The following COLQ variants were observed in gnomAD, a reference collection of about 807,000 sequenced individuals.
The protein encoded by COLQ is acetylcholinesterase collagenic tail peptide.
Under a neutral mutation model 69.0 loss-of-function variants are expected in COLQ, and 48 were observed. That is an observed-to-expected ratio of 0.70 (90% CI 0.55 to 0.88). COLQ has a LOEUF of 0.88. COLQ is among the 40% of genes least tolerant of loss of function. The pLI, the probability that COLQ is intolerant of heterozygous loss-of-function variation, is 0.00. For missense variants in COLQ, 618 were observed against 594.6 expected (o/e 1.04, Z -0.41); for synonymous variants, 217 against 211.2 (o/e 1.03, Z -0.24).
chr3:15,477,485 C>T (rs1219930687), intron 5 of COLQ: 1 of 427,856 alleles, frequency 2.3e-6, no homozygotes, highest in East Asian at 4.8e-5. Context: ...CCCAAAAGTC[C>T]CCTGCGTTCC....
At chr3:15,465,971 C>A (rs2062194124) in intron 12 of COLQ, among the ~76,000 whole-genome samples, 2 of 152,166 alleles carry the variant, frequency 1.3e-5, no homozygotes, top group Non-Finnish European at 2.9e-5. Context: ...AAAAAACCTG[C>A]AATGTCACCT....
chr3:15,453,826 T>C lies in COLQ; in HGVS notation c.1298+3A>G, dbSNP rs1384843815. The C allele has an allele frequency of 3.1e-6, 5 of 1,592,502 alleles. No homozygotes were observed. The highest frequency in any genetic ancestry group is 2.3e-5 in the East Asian group (1 of 44,416). On this transcript the variant is annotated splice_donor_region_variant and intron_variant, in intron 16 of 16. Transcript: ENST00000383788. Reference sequence around the variant, plus strand: ...GAGAGGGAGGGAGGGGAGTCATCCCTACCCAGGGAGATAGGTCTCGCATGT... The same window carrying C: ...GAGAGGGAGGGAGGGGAGTCATCCCCACCCAGGGAGATAGGTCTCGCATGT...
At chr3:15,457,886 G>A (rs944352903) in intron 13 of COLQ, among the ~76,000 whole-genome samples, 29 of 152,068 alleles carry the variant, frequency 1.9e-4, no homozygotes, top group African/African-American at 6.5e-4. Flanking sequence ...CAAAGTGCTG[G>A]GATTACAGGC....
chr3:15,484,351 A>G (rs543251531), intron 3 of COLQ, among the ~76,000 whole-genome samples: 62 of 152,290 alleles, frequency 4.1e-4, no homozygotes, highest in African/African-American at 1.2e-3. Context: ...GGCTGGTACC[A>G]GTTGTTCCTT....
At chr3:15,462,231 T>C (rs905646543) in intron 12 of COLQ, among the ~76,000 whole-genome samples, 10 of 152,044 alleles carry the variant, frequency 6.6e-5, no homozygotes, top group African/African-American at 2.4e-4. Flanking sequence ...GGTTTCACCA[T>C]GTTGGCCAGG....
intron 1 of COLQ, among the ~76,000 whole-genome samples, chr3:15,493,653 G>T (rs1229063659): frequency 2.6e-5 from 4 of 152,248 alleles, no homozygotes; most frequent in Non-Finnish European, 5.9e-5. Context: ...GACAGGTCAT[G>T]GGGGCAGCTA....
At chr3:15,454,114 G>A (rs1188735318) in intron 15 of COLQ, among the ~76,000 whole-genome samples, 183 bp from the exon 16 acceptor site, 1 of 152,164 alleles carries the variant, frequency 6.6e-6, no homozygotes, top group Non-Finnish European at 1.5e-5. Flanking sequence ...ACAGCGATGT[G>A]CCATGGGACA....
rs2063136011 is a variant in COLQ, at chr3:15,521,432, A to G, written c.106+88T>C. 27 of 1,556,494 alleles carry G rather than the reference A, an allele frequency of 1.7e-5. 1 individual carries two copies. Among genetic ancestry groups the G allele is most frequent in the Non-Finnish European group, 2.4e-5 (27 of 1,143,906 alleles). On this transcript the variant is annotated intron_variant, in intron 1 of 16. Coordinates refer to ENST00000383788, the MANE Select transcript of COLQ (RefSeq NM_005677.4). ...CCCTCCACCAACAGTTGAATGGCAA[A>G]AACATCAGGACACATTGCAAAACAA...
At position 15,474,213 on chromosome 3, in the gene COLQ, G is replaced by A. The variant is rs759209415; in HGVS notation, c.600+15C>T. The A allele has an allele frequency of 4.6e-5, 74 of 1,613,820 alleles. No homozygotes were observed. The highest frequency in any genetic ancestry group is 5.7e-5 in the Non-Finnish European group (67 of 1,179,730). On this transcript the variant is annotated intron_variant, in intron 9 of 16. Coordinates refer to ENST00000383788, the MANE Select transcript of COLQ (RefSeq NM_005677.4). ...CTGACATTTATCATTTCTATGGAAA[G>A]GTTTTCTCCATTACCTTTTCTCCTT...
Position 15,519,268 on chromosome 3 carries a change from C to T in COLQ, c.106+2252G>A, listed in dbSNP as rs966169539. Among the ~76,000 whole-genome samples the T allele has an allele frequency of 8.5e-5, 13 of 152,346 alleles. 1 individual carries two copies. Among genetic ancestry groups the T allele is most frequent in the Admixed American group, 2.0e-4 (3 of 15,310 alleles). On this transcript the variant is annotated intron_variant, in intron 1 of 16. Transcript: ENST00000383788. Reference sequence around the variant, plus strand: ...GCGCACTGGTTGTTCTCCATCCCAACCCTCCCCTTGGCTCTCTGCCCTCAG... The same window carrying T: ...GCGCACTGGTTGTTCTCCATCCCAATCCTCCCCTTGGCTCTCTGCCCTCAG...
At chr3:15,493,338 G>T (rs926792259) in intron 1 of COLQ, among the ~76,000 whole-genome samples, 1 of 152,224 alleles carries the variant, frequency 6.6e-6, no homozygotes, top group African/African-American at 2.4e-5. Context: ...TGGGGAAAAA[G>T]GAGATTTATT....
In COLQ at chr3:15,489,530, T is replaced by C. The variant is rs771877645; in HGVS notation, c.214A>G (p.Ser72Gly). ...FPPPFFRGGR[S>G]PLLSPDMKNL... is the part of the protein sequence containing the mutation. ...ATAAATCCCAAAGTACTCACCGGAC[T>C]TCGGCCACCTCTGAAGAATGGTGGT... is the stretch of plus-strand genomic sequence containing the variant. The change falls in exon 2 of 17, where the codon AGT becomes GGT. Residue 72 changes from serine (S) to glycine (G), a missense_variant. Ser to Gly is a moderately conservative substitution (Grantham distance 56). Coordinates refer to ENST00000383788, the MANE Select transcript of COLQ (RefSeq NM_005677.4). 5.6e-6 allele frequency: 9 copies of C among 1,614,188 alleles called. No homozygotes were observed. In the South Asian group the frequency reaches 9.9e-5, roughly 18 times the overall value.
chr3:15,512,220 G>T (rs765106340), intron 1 of COLQ, among the ~76,000 whole-genome samples: 1 of 152,194 alleles, frequency 6.6e-6, no homozygotes, highest in Non-Finnish European at 1.5e-5. Context: ...GAACCTGCCC[G>T]ACTCACACCG....
intron 15 of COLQ, among the ~76,000 whole-genome samples, chr3:15,454,410 G>A (rs1235828809): frequency 6.6e-6 from 1 of 152,180 alleles, no homozygotes; most frequent in African/African-American, 2.4e-5. Context: ...CTCACACGAT[G>A]GGAGGGTGTT....
chr3:15,456,427 G>A, intron 14 of COLQ, 33 bp downstream of exon 14: 1 of 1,613,048 alleles, frequency 6.2e-7, no homozygotes, highest in South Asian at 1.1e-5. Context: ...TCCTGGGCAG[G>A]GAGTATGTCC....
At chr3:15,491,687 C>T (rs2062670415) in intron 1 of COLQ, among the ~76,000 whole-genome samples, 2 of 152,184 alleles carry the variant, frequency 1.3e-5, no homozygotes, top group Non-Finnish European at 2.9e-5. Context: ...ATGAAATTCA[C>T]AAATAGTACA....
chr3:15,463,932 A>C (rs1048864066), intron 12 of COLQ, among the ~76,000 whole-genome samples: 1 of 152,230 alleles, frequency 6.6e-6, no homozygotes, highest in Admixed American at 6.5e-5. Context: ...CGCAGCAAAC[A>C]TAAGTTATTA....
chr3:15,484,648 C>T (rs923175468), intron 3 of COLQ, among the ~76,000 whole-genome samples: 3 of 152,184 alleles, frequency 2.0e-5, no homozygotes, highest in Admixed American at 6.5e-5. Flanking sequence ...CTTCTCTTCT[C>T]GCTTCATTTC....
intron 1 of COLQ, among the ~76,000 whole-genome samples, chr3:15,498,029 T>G (rs2062772339): frequency 1.3e-5 from 2 of 152,184 alleles, no homozygotes; most frequent in Non-Finnish European, 2.9e-5. Flanking sequence ...AAAGAACAAT[T>G]TGTGGTTTGG....
Sources: allele counts gnomAD v4.1 joint callset (sites outside exome capture counted in the v4.1 genomes callset), GRCh38; gene constraint gnomAD v4.1.1; transcripts MANE v1.5; gene names NCBI Gene and HGNC (gene_info 2026-07-23, HGNC 2026-07-21).